SMAD4: variants seen among roughly 807,000 people sequenced by gnomAD.
SMAD4 encodes SMAD family member 4.
A neutral mutation model predicts 63.2 loss-of-function variants in SMAD4; 7 were observed. The observed-to-expected ratio is 0.11, with a 90% CI of 0.06 to 0.21. The LOEUF (loss-of-function observed/expected upper bound fraction) is 0.21, where lower values mean the gene tolerates loss of function less well. Among genes scored for constraint, SMAD4 ranks in the 10% least tolerant of loss-of-function variants. SMAD4 has a pLI of 1.00. For missense variants in SMAD4, 312 were observed against 693.8 expected (o/e 0.45, Z 6.18); for synonymous variants, 215 against 235.4 (o/e 0.91, Z 0.79).
intron 1 of SMAD4, among the ~76,000 whole-genome samples, chr18:51,044,538 G>A (rs185386533): frequency 1.9e-4 from 29 of 152,114 alleles, no homozygotes; most frequent in African/African-American, 6.7e-4. Context: ...GACAACAGGC[G>A]TGTGCCACCA....
chr18:51,070,520 C>G (rs1182070854), intron 10 of SMAD4, among the ~76,000 whole-genome samples: 1 of 152,160 alleles, frequency 6.6e-6, no homozygotes, highest in Non-Finnish European at 1.5e-5. Context: ...TATTACTGTT[C>G]TTTAGAAGAG....
At chr18:51,053,565 C>G (rs553482208) in intron 4 of SMAD4, 35 of 152,186 alleles carry the variant, frequency 2.3e-4, no homozygotes, top group Admixed American at 7.2e-4. Flanking sequence ...AGAATATCAT[C>G]TTCATGACTT....
At chr18:51,044,242 T>C (rs1294291970) in intron 1 of SMAD4, among the ~76,000 whole-genome samples, 2 of 150,836 alleles carry the variant, frequency 1.3e-5, no homozygotes, top group African/African-American at 4.9e-5. Context: ...ACTCCTGAGC[T>C]CAAGCAGTCC....
intron 1 of SMAD4, among the ~76,000 whole-genome samples, chr18:51,039,030 C>T (rs1013807763): frequency 6.6e-6 from 1 of 152,086 alleles, no homozygotes; most frequent in Non-Finnish European, 1.5e-5. Flanking sequence ...TCACTTGAAC[C>T]TGGGAGGCGG....
intron 1 of SMAD4, among the ~76,000 whole-genome samples, chr18:51,032,701 A>G (rs1258671615): frequency 6.6e-6 from 1 of 151,972 alleles, no homozygotes; most frequent in Non-Finnish European, 1.5e-5. Flanking sequence ...TGATTGAGCC[A>G]GTGTTATAGT....
intron 2 of SMAD4, among the ~76,000 whole-genome samples, chr18:51,048,056 C>T (rs1909599187): frequency 6.6e-6 from 1 of 152,212 alleles, no homozygotes; most frequent in African/African-American, 2.4e-5. Context: ...ATACAGCTCC[C>T]TTGCTTAAAT....
chr18:51,039,982 C>T (rs1478723189), intron 1 of SMAD4, among the ~76,000 whole-genome samples: 1 of 152,150 alleles, frequency 6.6e-6, no homozygotes, highest in Non-Finnish European at 1.5e-5. Context: ...AACTTGCTGT[C>T]TAGGATTTAG....
At chr18:51,053,119 G>A (rs1375690743) in intron 4 of SMAD4, 1 of 152,142 alleles carries the variant, frequency 6.6e-6, no homozygotes, top group East Asian at 1.9e-4. Context: ...AATACAGTTG[G>A]TACATAAAGA....
intron 10 of SMAD4, among the ~76,000 whole-genome samples, chr18:51,072,292 G>A (rs1420371758): frequency 6.6e-6 from 1 of 152,048 alleles, no homozygotes; most frequent in Non-Finnish European, 1.5e-5. Flanking sequence ...ATTGTAGTAG[G>A]TGTGAAGTAT....
At chr18:51,045,310 T>A (rs1909510637) in intron 1 of SMAD4, among the ~76,000 whole-genome samples, 1 of 152,208 alleles carries the variant, frequency 6.6e-6, no homozygotes, top group African/African-American at 2.4e-5. Context: ...TGTGGGAGGA[T>A]ACTTTAAGGA....
chr18:51,042,369 C>T (rs1909413145), intron 1 of SMAD4, among the ~76,000 whole-genome samples: 1 of 135,894 alleles, frequency 7.4e-6, no homozygotes, highest in South Asian at 2.7e-4. Flanking sequence ...TTTCTTTTTC[C>T]TTCCTCCCTC....
intron 10 of SMAD4, among the ~76,000 whole-genome samples, chr18:51,072,609 T>C (rs927337257): frequency 6.6e-6 from 1 of 152,196 alleles, no homozygotes; most frequent in Non-Finnish European, 1.5e-5. Flanking sequence ...TTAAGCCTTG[T>C]CAAAGGAAAA....
chr18:51,065,690 A>G (rs1910130619), intron 9 of SMAD4, 84 bp downstream of exon 9: 1 of 1,063,130 alleles, frequency 9.4e-7, no homozygotes, highest in African/African-American at 1.6e-5. Context: ...TTTCCCATGT[A>G]CATTATATGT....
intron 8 of SMAD4, 129 bp downstream of exon 8, chr18:51,060,045 G>A (rs1049339889): frequency 1.4e-6 from 1 of 735,584 alleles, no homozygotes; most frequent in Non-Finnish European, 2.5e-6. Flanking sequence ...CATGACATGA[G>A]TTAATCAACA....
chr18:51,058,764 A>T (rs530645549), intron 7 of SMAD4, among the ~76,000 whole-genome samples: 1 of 152,086 alleles, frequency 6.6e-6, no homozygotes, highest in Non-Finnish European at 1.5e-5. Context: ...TGTGTCTTGT[A>T]TATCCACGCA....
In SMAD4 at chr18:51,083,637, C is replaced by G. The variant is rs117142232; in HGVS notation, c.*5170C>G. The G allele has an allele frequency of 4.4e-6, 1 of 227,448 alleles. No individual in the cohort carries two copies. Among genetic ancestry groups the G allele is most frequent in the African/African-American group, 2.2e-5 (1 of 45,024 alleles). The allele number at this position is 227,448 out of a possible 1,614,324, so 14.1% of individuals were successfully genotyped here. A position where few individuals can be genotyped will look rare whatever the true frequency, so the allele number is the denominator to read the frequency against. On this transcript the variant is annotated 3_prime_UTR_variant, in exon 12 of 12. Transcript: ENST00000342988. ...GGCTCTGGGTTGGGCCAGACAGTTG[C>G]ACTCTCTAGTTTGCCCTCTGCCACA...
chr18:51,031,037 TTC>T (rs1909034417), intron 1 of SMAD4, among the ~76,000 whole-genome samples: 1 of 152,200 alleles, frequency 6.6e-6, no homozygotes, highest in African/African-American at 2.4e-5. Context: ...TCCAGCCAAT[TTC>T]TGTTTTGTCT....
At chr18:51,036,175 G>A (rs969805915) in intron 1 of SMAD4, among the ~76,000 whole-genome samples, 4 of 151,770 alleles carry the variant, frequency 2.6e-5, no homozygotes, top group African/African-American at 7.3e-5. Flanking sequence ...ATGGGGGGGC[G>A]GGGGTCTTGC....
intron 3 of SMAD4, 25 bp downstream of exon 3, chr18:51,048,885 A>G (rs2144406506): frequency 1.9e-6 from 3 of 1,588,384 alleles, no homozygotes; most frequent in Non-Finnish European, 1.7e-6. Context: ...CTTTCATCCT[A>G]AGAAACATAA....
Sources: allele counts gnomAD v4.1 joint callset (sites outside exome capture counted in the v4.1 genomes callset), GRCh38; gene constraint gnomAD v4.1.1; transcripts MANE v1.5; gene names NCBI Gene and HGNC (gene_info 2026-07-23, HGNC 2026-07-21).